UMODL1: variants seen among roughly 807,000 people sequenced by gnomAD.
The protein encoded by UMODL1 is uromodulin-like 1.
Under a neutral mutation model 136.3 loss-of-function variants are expected in UMODL1, and 128 were observed. That is an observed-to-expected ratio of 0.94 (90% CI 0.81 to 1.09). The LOEUF is 1.09. Among genes scored for constraint, UMODL1 ranks in the 50% least tolerant of loss-of-function variants. The pLI, the probability that UMODL1 is intolerant of heterozygous loss-of-function variation, is 0.00. For missense variants in UMODL1, 1,766 were observed against 1,725.6 expected, an observed-to-expected ratio of 1.02 and a Z score of -0.41; for synonymous variants, 721 against 720.0, an observed-to-expected ratio of 1.00 and a Z score of -0.02.
chr21:42,083,067 G>T (rs1010294181), intron 2 of UMODL1, among the ~76,000 whole-genome samples: 10 of 152,188 alleles, frequency 6.6e-5, no homozygotes, highest in African/African-American at 2.4e-4. Flanking sequence ...GGCTGGCCGC[G>T]TTTCTGTGTC....
intron 6 of UMODL1, among the ~76,000 whole-genome samples, chr21:42,096,330 T>C (rs767155014): frequency 2.6e-5 from 4 of 152,216 alleles, no homozygotes; most frequent in Non-Finnish European, 2.9e-5. Context: ...CGGCAGCTTC[T>C]GCAGATGCCT....
At chr21:42,125,524 C>T (rs1366106146) in intron 17 of UMODL1, among the ~76,000 whole-genome samples, 1 of 152,216 alleles carries the variant, frequency 6.6e-6, no homozygotes, top group Non-Finnish European at 1.5e-5. Flanking sequence ...AAACCTTCCT[C>T]ACCCTTCAGC....
chr21:42,080,103 A>G (rs1183329555), intron 2 of UMODL1, among the ~76,000 whole-genome samples: 2 of 152,168 alleles, frequency 1.3e-5, no homozygotes, highest in Admixed American at 1.3e-4. Context: ...GGGCGGATTT[A>G]CACCCCGGAT....
At chr21:42,068,143 C>A (rs534278378), upstream of UMODL1, among the ~76,000 whole-genome samples, 1 of 152,136 alleles carries the variant, frequency 6.6e-6, no homozygotes, top group Non-Finnish European at 1.5e-5. The surrounding 1 kb of genome is among the most constrained non-coding windows in gnomAD (Gnocchi z 5.5). Flanking sequence ...GAAGGCCAAC[C>A]GTGATTCCAT....
chr21:42,099,257 G>C lies in UMODL1; in HGVS notation c.1186+77G>C. ...CCCAGGTCTGTGGCCCTAGCATGTCGCGTTCTTCTTCCTATAACCAGGGCA... is the reference window on the plus strand; with the variant it reads ...CCCAGGTCTGTGGCCCTAGCATGTCCCGTTCTTCTTCCTATAACCAGGGCA... On this transcript the variant is annotated intron_variant, in intron 7 of 22. Coordinates refer to ENST00000408910, the MANE Select transcript of UMODL1 (RefSeq NM_001004416.3). This position sits in a 1 kb window ranked among gnomAD's most constrained non-coding sequence, Gnocchi z 4.1. 1 of 1,549,636 alleles carries C rather than the reference G, an allele frequency of 6.5e-7. No individual in the cohort carries two copies. The highest frequency in any genetic ancestry group is 1.4e-5 in the African/African-American group (1 of 73,436).
chr21:42,116,091 T>C lies in UMODL1; in HGVS notation c.2475+106T>C, dbSNP rs961778705. On this transcript the variant is annotated intron_variant, in intron 14 of 22. Transcript: ENST00000408910. ...GGCTCACCCCTGTAATCCTAGCACT[T>C]TGGGAGGCAGAGGCGGGCAGATTGC... 1.3e-5 allele frequency: 11 copies of C among 864,852 alleles called. No individual in the cohort carries two copies. In the African/African-American group the frequency reaches 2.0e-4, roughly 15 times the overall value. 53.6% of individuals were successfully genotyped at this position (864,852 alleles called of 1,614,324 possible).
At chr21:42,109,445 T>C (rs1486750758) in intron 9 of UMODL1, 117 bp from the exon 10 acceptor site, 2 of 1,446,684 alleles carry the variant, frequency 1.4e-6, no homozygotes, top group East Asian at 4.6e-5. Flanking sequence ...AAAATGCCCC[T>C]GCTCCCGGCC....
At chr21:42,135,146 T>G (rs1023116303) in intron 21 of UMODL1, among the ~76,000 whole-genome samples, 1 of 152,264 alleles carries the variant, frequency 6.6e-6, no homozygotes, top group African/African-American at 2.4e-5. Flanking sequence ...CATCGTGGAC[T>G]GACATGTGGT....
chr21:42,109,425 C>T lies in UMODL1; in HGVS notation c.1520-137C>T, dbSNP rs574173691. 3.8e-5 allele frequency: 44 copies of T among 1,147,060 alleles called. No homozygotes were observed. The African/African-American group carries it at 6.0e-4, about 16-fold the overall frequency. 71.1% of individuals were successfully genotyped at this position (1,147,060 alleles called of 1,614,324 possible). A position where few individuals can be genotyped will look rare whatever the true frequency, so the allele number is the denominator to read the frequency against. Reference sequence around the variant, plus strand: ...GTAAGGTTGTCATGAGAGTGTTGGACGGATGCCCCAAAATGCCCCTGCTCC... The same window carrying T: ...GTAAGGTTGTCATGAGAGTGTTGGATGGATGCCCCAAAATGCCCCTGCTCC... On this transcript the variant is annotated intron_variant, in intron 9 of 22. Transcript: ENST00000408910.
intron 21 of UMODL1, 133 bp from the exon 22 acceptor site, chr21:42,137,306 A>C: frequency 1.8e-6 from 2 of 1,121,484 alleles, no homozygotes; most frequent in Non-Finnish European, 2.6e-6. Context: ...ACCCACAGGC[A>C]CACGGGTGCA....
Position 42,108,417 on chromosome 21 carries a change from C to T in UMODL1, c.1520-1145C>T, listed in dbSNP as rs115959685. 2.9e-3 allele frequency: 1,424 copies of T among 485,818 alleles called. 11 individuals carry two copies. Among genetic ancestry groups the T allele is most frequent in the African/African-American group, 0.013 (645 of 50,792 alleles). 30.1% of individuals were successfully genotyped at this position (485,818 alleles called of 1,614,324 possible). A position where few individuals can be genotyped will look rare whatever the true frequency, so the allele number is the denominator to read the frequency against. On this transcript the variant is annotated intron_variant, in intron 9 of 22. Coordinates refer to ENST00000408910, the MANE Select transcript of UMODL1 (RefSeq NM_001004416.3). ...GTGGCATAGCTGTTGTGGCAGCTGA[C>T]GAGCTTGCTGTTCTCCAGGGAAGCT...
chr21:42,119,268 C>A lies in UMODL1; in HGVS notation c.2633C>A (p.Thr878Asn). 6.2e-7 allele frequency: 1 copy of A among 1,614,220 alleles called. No homozygotes were observed. Among genetic ancestry groups the A allele is most frequent in the Non-Finnish European group, 8.5e-7 (1 of 1,180,040 alleles). Reference protein sequence around the residue: ...DVQEVSAAFLTAFQTVPLLEV... With the variant: ...DVQEVSAAFLNAFQTVPLLEV... ...CAGGAGGTGTCAGCTGCATTTCTCA[C>A]CGCCTTCCAGACCGTGCCTCTGCTG... The change falls in exon 15 of 23, where the codon ACC becomes AAC. Residue 878 changes from threonine (T) to asparagine (N), a missense_variant. Coordinates refer to ENST00000408910, the MANE Select transcript of UMODL1 (RefSeq NM_001004416.3).
At chr21:42,111,222 GTA>G in intron 11 of UMODL1, 101 bp downstream of exon 11, 1 of 1,524,254 alleles carries the variant, frequency 6.6e-7, no homozygotes, top group Non-Finnish European at 8.8e-7. Context: ...AGACAGGAGA[GTA>G]CCAGCCAGGC....
chr21:42,117,438 G>A (rs1187614794), intron 14 of UMODL1, among the ~76,000 whole-genome samples: 1 of 152,174 alleles, frequency 6.6e-6, no homozygotes, highest in Non-Finnish European at 1.5e-5. Context: ...ATTCCTCCCT[G>A]CCATCCCCTC....
intron 6 of UMODL1, chr21:42,093,594 G>A (rs1477796977): frequency 4.3e-6 from 1 of 232,456 alleles, no homozygotes; most frequent in African/African-American, 2.3e-5. Context: ...AGAGCCAGCT[G>A]TGGATGTGGC....
intron 10 of UMODL1, among the ~76,000 whole-genome samples, chr21:42,110,141 G>A (rs951450141): frequency 6.6e-6 from 1 of 152,230 alleles, no homozygotes; most frequent in Admixed American, 6.5e-5. Flanking sequence ...CCCGATGGGG[G>A]CCGCTGAGCT....
At position 42,098,968 on chromosome 21, in the gene UMODL1, G is replaced by A. The variant is rs2146468584; in HGVS notation, c.974G>A (p.Ser325Asn). 6.2e-7 allele frequency: 1 copy of A among 1,614,208 alleles called. No individual in the cohort carries two copies. The highest frequency in any genetic ancestry group is 8.5e-7 in the Non-Finnish European group (1 of 1,180,038). The change falls in exon 7 of 23, where the codon AGT becomes AAT. Residue 325 changes from serine to asparagine, a missense_variant. Ser to Asn is a conservative substitution (Grantham distance 46). Coordinates refer to ENST00000408910, the MANE Select transcript of UMODL1 (RefSeq NM_001004416.3). The part of the protein sequence containing the change: ...VSDYVVLNVT[S>N]DSFQVSWRLN... ...GACTACGTGGTCCTCAACGTCACCAGTGACAGTTTTCAAGTATCCTGGCGT... is the reference window on the plus strand; with the variant it reads ...GACTACGTGGTCCTCAACGTCACCAATGACAGTTTTCAAGTATCCTGGCGT...
At position 42,123,284 on chromosome 21, in the gene UMODL1, G is replaced by A; in HGVS notation, c.3147+134G>A. 1.9e-6 allele frequency: 2 copies of A among 1,077,046 alleles called. No homozygotes were observed. The highest frequency in any genetic ancestry group is 2.6e-6 in the Non-Finnish European group (2 of 771,104). The allele number at this position is 1,077,046 out of a possible 1,614,324, so 66.7% of individuals were successfully genotyped here. On this transcript the variant is annotated intron_variant, in intron 17 of 22. Transcript: ENST00000408910. This position sits in a 1 kb window ranked among gnomAD's most constrained non-coding sequence, Gnocchi z 4.4. Reference sequence around the variant, plus strand: ...ACCCAGCAAGGGGGGTTCAGGACAGGGTTGAGTTCTCAACCAGGGACCAGC... The same window carrying A: ...ACCCAGCAAGGGGGGTTCAGGACAGAGTTGAGTTCTCAACCAGGGACCAGC...
At chr21:42,087,186 C>T (rs1316824902) in intron 4 of UMODL1, among the ~76,000 whole-genome samples, 1 of 152,164 alleles carries the variant, frequency 6.6e-6, no homozygotes, top group Admixed American at 6.5e-5. Flanking sequence ...CCCATTACCC[C>T]CTGCAGAAGC....
Sources: allele counts gnomAD v4.1 joint callset (sites outside exome capture counted in the v4.1 genomes callset), GRCh38; gene constraint gnomAD v4.1.1; non-coding constraint Gnocchi (gnomAD v3.1); transcripts MANE v1.5; gene names NCBI Gene and HGNC (gene_info 2026-07-23, HGNC 2026-07-21).